Variants in FLRT1 observed in about 807,000 individuals in gnomAD.
FLRT1 encodes the protein leucine-rich repeat transmembrane protein FLRT1.
In FLRT1, 14 loss-of-function variants were observed where a neutral mutation model predicts 30.9. That is an observed-to-expected ratio of 0.45 (90% CI 0.30 to 0.71). The LOEUF (loss-of-function observed/expected upper bound fraction) is 0.71. FLRT1 is among the 30% of genes least tolerant of loss of function. The pLI is 0.08. For missense variants in FLRT1, 737 were observed against 949.2 expected (o/e 0.78, Z 2.94); for synonymous variants, 368 against 430.4 (o/e 0.85, Z 1.80).
intron 1 of FLRT1, among the ~76,000 whole-genome samples, chr11:64,058,282 C>G (rs1483753406): frequency 6.6e-6 from 1 of 152,388 alleles, no homozygotes; most frequent in South Asian, 2.1e-4. Flanking sequence ...CAGTTGGGGA[C>G]TACTGTCGGC....
At chr11:64,081,410 C>T (rs770615342) in intron 1 of FLRT1, among the ~76,000 whole-genome samples, 2 of 152,194 alleles carry the variant, frequency 1.3e-5, no homozygotes, top group African/African-American at 2.4e-5. Context: ...GTTACAACAG[C>T]ACTGTGGTCC....
chr11:64,095,224 A>T (rs1565230031), intron 1 of FLRT1, among the ~76,000 whole-genome samples: 1 of 152,074 alleles, frequency 6.6e-6, no homozygotes, highest in Non-Finnish European at 1.5e-5. Context: ...TTTTTCCCCC[A>T]TTCCTCCCAA....
rs1804943631 is a variant in FLRT1 at position 64,093,592 on chromosome 11, A to G, written c.-1037-9602A>G. On this transcript the variant is annotated intron_variant, in intron 1 of 2. Coordinates refer to ENST00000682287, the MANE Select transcript of FLRT1 (RefSeq NM_013280.5). Reference sequence around the variant, plus strand: ...CCAGTCCTTCCCTCCCAGTCCTTCCAGTTCTTGGGCCTCCCAGAACAGGTC... The same window carrying G: ...CCAGTCCTTCCCTCCCAGTCCTTCCGGTTCTTGGGCCTCCCAGAACAGGTC... Among the ~76,000 whole-genome samples the G allele has an allele frequency of 2.0e-5, 3 of 152,296 alleles. No individual in the cohort carries two copies. In the South Asian group the frequency reaches 6.2e-4, roughly 32 times the overall value.
intron 1 of FLRT1, chr11:64,081,842 C>T (rs761112763): frequency 6.6e-6 from 1 of 152,156 alleles, no homozygotes; most frequent in Non-Finnish European, 1.5e-5. Context: ...AATTCACAGA[C>T]ATGAAGACTG....
chr11:64,102,232 C>A (rs936043767), intron 1 of FLRT1, among the ~76,000 whole-genome samples: 1 of 152,180 alleles, frequency 6.6e-6, no homozygotes, highest in Non-Finnish European at 1.5e-5. Context: ...ACCAGGGCGC[C>A]GCGGCCCTTC....
chr11:64,057,648 G>A (rs1163381642), intron 1 of FLRT1, among the ~76,000 whole-genome samples: 3 of 152,228 alleles, frequency 2.0e-5, no homozygotes, highest in Non-Finnish European at 4.4e-5. Flanking sequence ...ATCAAGGTCA[G>A]GAGAGGGGGC....
At chr11:64,063,682 G>T (rs1276464712) in intron 1 of FLRT1, among the ~76,000 whole-genome samples, 2 of 152,136 alleles carry the variant, frequency 1.3e-5, no homozygotes, top group Non-Finnish European at 2.9e-5. Context: ...CAGAAGCCTG[G>T]GGGTGTCAAG....
chr11:64,117,729 G>T lies in FLRT1; in HGVS notation c.1462G>T (p.Asp488Tyr), dbSNP rs1347118580. The T allele has an allele frequency of 1.2e-6, 2 of 1,613,842 alleles. No individual in the cohort carries two copies. Among genetic ancestry groups the T allele is most frequent in the East Asian group, 2.2e-5 (1 of 44,886 alleles). Residue 488 changes from aspartate to tyrosine, a missense_variant, in exon 3 of 3, where the codon GAC becomes TAC. By Grantham distance (160) the Asp-to-Tyr change is radical. Transcript: ENST00000682287. Reference protein sequence around the residue: ...GSITETLVQGDKTEYLLTALE... With the variant: ...GSITETLVQGYKTEYLLTALE... ...CATCACGGAGACCTTGGTGCAGGGG[G>T]ACAAGACAGAGTACCTGCTGACAGC...
At chr11:64,079,221 G>A (rs1270475529) in intron 1 of FLRT1, among the ~76,000 whole-genome samples, 1 of 151,866 alleles carries the variant, frequency 6.6e-6, no homozygotes, top group Admixed American at 6.6e-5. Context: ...GGAGCCCCAC[G>A]GCCCCTTCCT....
intron 1 of FLRT1, among the ~76,000 whole-genome samples, chr11:64,084,071 G>A (rs1301625763): frequency 6.6e-6 from 1 of 152,206 alleles, no homozygotes; most frequent in Non-Finnish European, 1.5e-5. Context: ...TTTCCATAGT[G>A]TGTCCCTGCC....
intron 1 of FLRT1, among the ~76,000 whole-genome samples, chr11:64,087,780 G>A (rs370344335): frequency 3.3e-5 from 5 of 152,338 alleles, no homozygotes; most frequent in East Asian, 1.9e-4. Flanking sequence ...CTGAATGACC[G>A]GAGGCTGGAC....
chr11:64,059,482 T>C (rs1943855349), intron 1 of FLRT1, among the ~76,000 whole-genome samples: 1 of 152,154 alleles, frequency 6.6e-6, no homozygotes. Flanking sequence ...GGGCATCCCA[T>C]GCCCTTCCAC....
At chr11:64,049,097 G>C (rs1343703895) in intron 1 of FLRT1, among the ~76,000 whole-genome samples, 1 of 152,198 alleles carries the variant, frequency 6.6e-6, no homozygotes, top group Admixed American at 6.5e-5. Context: ...CTTTGTGGGT[G>C]AGGTATTACA....
rs1945039614 is a variant in FLRT1, at chr11:64,118,559, G to A, written c.*267G>A. 2 of 408,636 alleles carry A rather than the reference G, an allele frequency of 4.9e-6. No homozygotes were observed. The highest frequency in any genetic ancestry group is 4.0e-5 in the African/African-American group (2 of 49,466). 25.3% of individuals were successfully genotyped at this position (408,636 alleles called of 1,614,324 possible). On this transcript the variant is annotated 3_prime_UTR_variant, in exon 3 of 3. Transcript: ENST00000682287. Reference sequence around the variant, plus strand: ...AAGTTATGCCAGTTGGGGAGGGAAGGACTAAAAATAATATTGCAGGCAGGG... The same window carrying A: ...AAGTTATGCCAGTTGGGGAGGGAAGAACTAAAAATAATATTGCAGGCAGGG...
At chr11:64,044,376 C>T (rs564734111) in intron 1 of FLRT1, among the ~76,000 whole-genome samples, 3 of 151,820 alleles carry the variant, frequency 2.0e-5, no homozygotes, top group Non-Finnish European at 4.4e-5. Flanking sequence ...CTCAGCCTGC[C>T]GAATAGCTCG....
chr11:64,117,974 C>T lies in FLRT1; in HGVS notation c.1707C>T (p.Val569=). ...GAVALVFLFL[V]LGAICWYVHQ... is the part of the protein sequence containing the mutation. ...TGGCTCTGGTCTTCCTCTTCCTGGT[C>T]CTGGGGGCCATCTGCTGGTACGTGC... The change falls in exon 3 of 3, where the codon GTC becomes GTT. Residue 569 remains valine (V), a synonymous_variant. Transcript: ENST00000682287. The T allele has an allele frequency of 6.2e-7, 1 of 1,613,806 alleles. No homozygotes were observed. The highest frequency in any genetic ancestry group is 8.5e-7 in the Non-Finnish European group (1 of 1,180,024).
chr11:64,045,670 C>A (rs568739192), intron 1 of FLRT1, among the ~76,000 whole-genome samples: 20 of 152,316 alleles, frequency 1.3e-4, no homozygotes, highest in African/African-American at 4.6e-4. Context: ...GTCTCAAAGG[C>A]AGGCGCACAT....
At position 64,067,353 on chromosome 11, in the gene FLRT1, C is replaced by T. The variant is rs536941520; in HGVS notation, c.-1038+31194C>T. Among the ~76,000 whole-genome samples the T allele has an allele frequency of 1.3e-5, 2 of 152,250 alleles. No homozygotes were observed. Among genetic ancestry groups the T allele is most frequent in the African/African-American group, 2.4e-5 (1 of 41,548 alleles). On this transcript the variant is annotated intron_variant, in intron 1 of 2. Coordinates refer to ENST00000682287, the MANE Select transcript of FLRT1 (RefSeq NM_013280.5). This position sits in a 1 kb window ranked among gnomAD's most constrained non-coding sequence, Gnocchi z 4.6. The stretch of plus-strand genomic sequence containing the variant: ...GGATGGTGAGGGGGGAATCCATTAT[C>T]GGGCAAAATAGCAGCTGCTGACGTG...
chr11:64,040,433 C>A (rs1419052702), intron 1 of FLRT1, among the ~76,000 whole-genome samples: 1 of 152,168 alleles, frequency 6.6e-6, no homozygotes, highest in Non-Finnish European at 1.5e-5. Flanking sequence ...CCGGCCAGGG[C>A]TGGGGCTGGT....
Sources: gnomAD v4.1 joint callset for allele counts (sites outside exome capture counted in the v4.1 genomes callset) on GRCh38, gnomAD v4.1.1 for gene constraint, Gnocchi (gnomAD v3.1) non-coding constraint, MANE v1.5 for transcripts, NCBI Gene and HGNC (gene_info 2026-07-23, HGNC 2026-07-21) for gene names.